EIF2B3: variants seen among roughly 807,000 people sequenced by gnomAD.
The protein encoded by EIF2B3 is translation initiation factor eIF2B subunit gamma.
In EIF2B3, 20 loss-of-function variants were observed where a neutral mutation model predicts 54.1. That is an observed-to-expected ratio of 0.37 (90% CI 0.26 to 0.54). The LOEUF (loss-of-function observed/expected upper bound fraction) is 0.54, where lower values mean the gene tolerates loss of function less well. Ranked by LOEUF, EIF2B3 falls within the 20% of genes least tolerant of loss-of-function variation. The probability of loss-of-function intolerance (pLI) is 0.86; values close to 1 mark genes in which losing one functional copy is unlikely to be tolerated. For synonymous variants in EIF2B3, 153 were observed against 188.1 expected, an observed-to-expected ratio of 0.81 and a Z score of 1.52; for missense variants, 448 against 547.8, an observed-to-expected ratio of 0.82 and a Z score of 1.82.
intron 5 of EIF2B3, among the ~76,000 whole-genome samples, chr1:44,915,232 G>A (rs952475782): frequency 2.6e-5 from 4 of 151,228 alleles, no homozygotes; most frequent in Non-Finnish European, 4.4e-5. Flanking sequence ...CCTGGGAGGC[G>A]GAGATTGCAG....
At chr1:44,932,114 C>T (rs1018954319) in intron 4 of EIF2B3, among the ~76,000 whole-genome samples, 2 of 150,672 alleles carry the variant, frequency 1.3e-5, no homozygotes, top group African/African-American at 4.9e-5. Context: ...TGTCTCAAAA[C>T]GAACACACAC....
intron 5 of EIF2B3, among the ~76,000 whole-genome samples, chr1:44,905,327 C>T (rs1420085313): frequency 6.6e-6 from 1 of 152,200 alleles, no homozygotes; most frequent in Non-Finnish European, 1.5e-5. Context: ...GTTCCAAGTT[C>T]TGCTCCAGGT....
chr1:44,942,396 TATATATATATATATATATATA>T (rs1301676489), intron 3 of EIF2B3, among the ~76,000 whole-genome samples: 8 of 17,668 alleles, frequency 4.5e-4, no homozygotes, highest in African/African-American at 3.3e-4. Flanking sequence ...TATATATATA[TATATATATATATATATATATA>T]TTTTTTTTTT....
At chr1:44,925,593 A>G (rs1337005784) in intron 5 of EIF2B3, among the ~76,000 whole-genome samples, 5 of 152,146 alleles carry the variant, frequency 3.3e-5, no homozygotes, top group East Asian at 1.9e-4. Flanking sequence ...TTTCACCACA[A>G]TGTGAACACA....
intron 3 of EIF2B3, among the ~76,000 whole-genome samples, chr1:44,951,859 C>CTCACTGCAGCCTCCGCT: frequency 6.6e-6 from 1 of 150,636 alleles, no homozygotes; most frequent in South Asian, 2.1e-4. Flanking sequence ...TCAATCTCAG[C>CTCACTGCAGCCTCCGCT]TCACTGCAGC....
chr1:44,928,278 T>C (rs1374163682), intron 4 of EIF2B3, among the ~76,000 whole-genome samples: 1 of 151,870 alleles, frequency 6.6e-6, no homozygotes, highest in Admixed American at 6.6e-5. Flanking sequence ...AACTCGTCTC[T>C]ACTAAAAATA....
intron 3 of EIF2B3, among the ~76,000 whole-genome samples, chr1:44,962,473 C>T (rs560129584): frequency 6.8e-4 from 103 of 152,254 alleles, no homozygotes; most frequent in Non-Finnish European, 1.0e-3. Context: ...GGAGCAGTGG[C>T]GCGATCACAG....
At chr1:44,959,824 A>G (rs755728656) in intron 3 of EIF2B3, among the ~76,000 whole-genome samples, 1 of 152,212 alleles carries the variant, frequency 6.6e-6, no homozygotes, top group Non-Finnish European at 1.5e-5. Context: ...GAAGGTCACA[A>G]TAGTATTTGT....
intron 3 of EIF2B3, among the ~76,000 whole-genome samples, chr1:44,952,001 T>C (rs557949574): frequency 2.7e-5 from 3 of 109,778 alleles, no homozygotes; most frequent in Admixed American, 1.0e-4. Flanking sequence ...CTCGCTCTGT[T>C]GCCCAGGCTG....
At chr1:44,958,343 T>C (rs1297456433) in intron 3 of EIF2B3, among the ~76,000 whole-genome samples, 5 of 152,206 alleles carry the variant, frequency 3.3e-5, no homozygotes, top group Middle Eastern at 3.2e-3. Context: ...TCCTAGGTAA[T>C]TGATAGATCC....
intron 4 of EIF2B3, among the ~76,000 whole-genome samples, chr1:44,927,385 A>G (rs1472035343): frequency 6.6e-6 from 1 of 152,094 alleles, no homozygotes; most frequent in Non-Finnish European, 1.5e-5. Context: ...AGAGGGAATA[A>G]GAGAGAGCTG....
At chr1:44,899,734 G>A (rs1035749287) in intron 5 of EIF2B3, among the ~76,000 whole-genome samples, 1 of 152,196 alleles carries the variant, frequency 6.6e-6, no homozygotes, top group South Asian at 2.1e-4. Context: ...TACTGTTGGT[G>A]GGAATGTAAA....
intron 3 of EIF2B3, among the ~76,000 whole-genome samples, chr1:44,953,164 A>C (rs1569828239): frequency 1.3e-5 from 2 of 151,938 alleles, no homozygotes; most frequent in East Asian, 1.9e-4. Context: ...AAAAAAAAAA[A>C]AAACCAGAAA....
intron 5 of EIF2B3, among the ~76,000 whole-genome samples, chr1:44,914,588 A>G (rs1295273985): frequency 6.6e-6 from 1 of 152,236 alleles, no homozygotes. Flanking sequence ...CATTTATTTT[A>G]TGAAAAAAGA....
chr1:44,891,005 C>T (rs1655779227), intron 6 of EIF2B3, among the ~76,000 whole-genome samples: 3 of 152,252 alleles, frequency 2.0e-5, no homozygotes, highest in Non-Finnish European at 1.5e-5. Context: ...GCCTGGATTC[C>T]TGTACCTGCT....
At chr1:44,919,955 C>T (rs755892006) in intron 5 of EIF2B3, among the ~76,000 whole-genome samples, 6 of 146,154 alleles carry the variant, frequency 4.1e-5, no homozygotes, top group Non-Finnish European at 7.5e-5. Flanking sequence ...CTCCTGACCT[C>T]GTGATCCGCC....
intron 7 of EIF2B3, among the ~76,000 whole-genome samples, chr1:44,880,939 C>T (rs781593864): frequency 2.3e-4 from 35 of 149,850 alleles, no homozygotes; most frequent in Non-Finnish European, 1.0e-4. Flanking sequence ...CCAGCCTGGG[C>T]GACAGAGGGA....
intron 3 of EIF2B3, among the ~76,000 whole-genome samples, chr1:44,950,744 A>C (rs1644152025): frequency 6.6e-6 from 1 of 152,172 alleles, no homozygotes; most frequent in Admixed American, 6.5e-5. Flanking sequence ...ACTGGAGTGC[A>C]ATGGTGCGAT....
intron 8 of EIF2B3, among the ~76,000 whole-genome samples, chr1:44,877,192 TAAAAAAAAAAAAAA>T (rs768263508): frequency 3.8e-5 from 2 of 52,056 alleles, no homozygotes; most frequent in Non-Finnish European, 7.1e-5. Flanking sequence ...GAATGATCAA[TAAAAAAAAAAAAAA>T]AAAAAAAAAA....
Sources: allele counts gnomAD v4.1 joint callset (sites outside exome capture counted in the v4.1 genomes callset), GRCh38; gene constraint gnomAD v4.1.1; transcripts MANE v1.5; gene names NCBI Gene and HGNC (gene_info 2026-07-23, HGNC 2026-07-21).